The following DNM2 variants were observed in gnomAD, a reference collection of about 807,000 sequenced individuals.
The protein encoded by DNM2 is dynamin-2.
Under a neutral mutation model 99.0 loss-of-function variants are expected in DNM2, and 15 were observed. The observed-to-expected ratio is 0.15, with a 90% confidence interval of 0.10 to 0.23. DNM2 has a LOEUF of 0.23. DNM2 is among the 10% of genes least tolerant of loss of function. The pLI, the probability that DNM2 is intolerant of heterozygous loss-of-function variation, is 1.00. For synonymous variants in DNM2, 525 were observed against 481.2 expected, an observed-to-expected ratio of 1.09 and a Z score of -1.19; for missense variants, 742 against 1,189.4, an observed-to-expected ratio of 0.62 and a Z score of 5.53.
At chr19:10,808,292 G>A (rs992977045) in intron 13 of DNM2, among the ~76,000 whole-genome samples, 10 of 152,164 alleles carry the variant, frequency 6.6e-5, no homozygotes, top group Admixed American at 2.6e-4. Context: ...AAGGAAGAAC[G>A]TAACCATTGC....
chr19:10,776,945 C>T (rs1284591627), intron 4 of DNM2, among the ~76,000 whole-genome samples, 173 bp from the exon 5 acceptor site: 1 of 152,218 alleles, frequency 6.6e-6, no homozygotes, highest in Non-Finnish European at 1.5e-5. Context: ...AGGGCTGTGA[C>T]CATCTTCATT....
chr19:10,739,928 G>C (rs924532045), intron 1 of DNM2, among the ~76,000 whole-genome samples: 2 of 142,622 alleles, frequency 1.4e-5, no homozygotes, highest in Non-Finnish European at 3.1e-5. Flanking sequence ...ACTTTTCTTT[G>C]TGGGACGTTT....
intron 2 of DNM2, among the ~76,000 whole-genome samples, chr19:10,766,620 G>A (rs1419507778): frequency 1.3e-5 from 2 of 151,866 alleles, no homozygotes; most frequent in Non-Finnish European, 2.9e-5. Flanking sequence ...GAGATGCTAG[G>A]GGGAACTGTG....
chr19:10,806,964 C>A (rs189442903), intron 13 of DNM2, among the ~76,000 whole-genome samples: 1 of 152,126 alleles, frequency 6.6e-6, no homozygotes, highest in African/African-American at 2.4e-5. Flanking sequence ...TGAAGCCCCA[C>A]ACCTGGAGAA....
chr19:10,774,993 A>T (rs1320762062), intron 3 of DNM2, among the ~76,000 whole-genome samples: 1 of 150,034 alleles, frequency 6.7e-6, no homozygotes, highest in Non-Finnish European at 1.5e-5. Flanking sequence ...CTGGTTTCGA[A>T]CTCCTGAGCT....
At chr19:10,808,742 A>G (rs2072441886) in intron 14 of DNM2, 162 bp downstream of exon 14, 3 of 804,266 alleles carry the variant, frequency 3.7e-6, no homozygotes, top group African/African-American at 1.7e-5. Flanking sequence ...GCTGGACTGC[A>G]CGTTGCCCTG....
At position 10,818,764 on chromosome 19, in the gene DNM2, G is replaced by T. The variant is rs1599617582; in HGVS notation, c.1672-1216G>T. 6.6e-6 allele frequency among the ~76,000 whole-genome samples: 1 copy of T among 152,344 alleles called. No individual in the cohort carries two copies. Among genetic ancestry groups the T allele is most frequent in the East Asian group, 1.9e-4 (1 of 5,182 alleles). Reference sequence around the variant, plus strand: ...GAGGAGTTTCCAGAGACGGCCCAGGGAGAAGAAGGGCCAGGGGCACTGTGG... The same window carrying T: ...GAGGAGTTTCCAGAGACGGCCCAGGTAGAAGAAGGGCCAGGGGCACTGTGG... On this transcript the variant is annotated intron_variant, in intron 15 of 20. Transcript: ENST00000389253. This position sits in a 1 kb window ranked among gnomAD's most constrained non-coding sequence, Gnocchi z 4.3.
At chr19:10,755,466 CTTTT>C in intron 1 of DNM2, 1 of 142,306 alleles carries the variant, frequency 7.0e-6, no homozygotes, top group Non-Finnish European at 1.5e-5. Context: ...CTGCATTTGT[CTTTT>C]TTTTTTTTTT....
rs570324605 is a variant in DNM2, at chr19:10,724,288, T to C, written c.161+5885T>C. 3.0e-4 allele frequency among the ~76,000 whole-genome samples: 46 copies of C among 152,164 alleles called. 1 individual carries two copies. In the East Asian group the frequency reaches 6.4e-3, roughly 21 times the overall value. ...CGCCTCCCAGGTTCACGCCATTCTC[T>C]TGCCTCAGCCTCCCGAGTAGCTGGG... On this transcript the variant is annotated intron_variant, in intron 1 of 20. Transcript: ENST00000389253.
chr19:10,763,361 C>T (rs1019065978), intron 2 of DNM2: 1 of 152,290 alleles, frequency 6.6e-6, no homozygotes, highest in Admixed American at 6.6e-5. Flanking sequence ...CAGGTATGAG[C>T]TACCGCGCCT....
At chr19:10,737,641 A>G (rs752391756) in intron 1 of DNM2, among the ~76,000 whole-genome samples, 26 of 152,012 alleles carry the variant, frequency 1.7e-4, no homozygotes, top group Non-Finnish European at 3.5e-4. Flanking sequence ...GCACGTCAAC[A>G]TGCCCGTATA....
At chr19:10,734,476 G>GA (rs112687610) in intron 1 of DNM2, among the ~76,000 whole-genome samples, 88 of 142,824 alleles carry the variant, frequency 6.2e-4, no homozygotes, top group South Asian at 6.7e-4. Context: ...CTCGTGTGTA[G>GA]AAAAAAAAAA....
In DNM2 at chr19:10,798,465, C is replaced by T. The variant is rs1158130825; in HGVS notation, c.1336-21C>T. The T allele has an allele frequency of 2.5e-6, 4 of 1,613,744 alleles. No individual in the cohort carries two copies. The African/African-American group carries it at 4.0e-5, about 16-fold the overall frequency. Reference sequence around the variant, plus strand: ...TGCCACGAGGACCCCGCCAATGCGACCACTCTGCTTGTTCCCCCAGCTCAG... The same window carrying T: ...TGCCACGAGGACCCCGCCAATGCGATCACTCTGCTTGTTCCCCCAGCTCAG... On this transcript the variant is annotated intron_variant, in intron 10 of 20. Transcript: ENST00000389253.
At position 10,725,083 on chromosome 19, in the gene DNM2, G is replaced by C. The variant is rs188486655; in HGVS notation, c.161+6680G>C. 3.3e-5 allele frequency among the ~76,000 whole-genome samples: 5 copies of C among 152,330 alleles called. No homozygotes were observed. The East Asian group carries it at 9.6e-4, about 29-fold the overall frequency. ...CCCTTTAACAGATCTTATTAGTTTA[G>C]AGCCACTTGGAAATGACATCTTCTG... On this transcript the variant is annotated intron_variant, in intron 1 of 20. Coordinates refer to ENST00000389253, the MANE Select transcript of DNM2 (RefSeq NM_001005361.3).
intron 1 of DNM2, among the ~76,000 whole-genome samples, chr19:10,722,014 C>T (rs1213373125): frequency 1.3e-5 from 2 of 152,148 alleles, no homozygotes; most frequent in Non-Finnish European, 2.9e-5. Flanking sequence ...CGTTCTGGGC[C>T]TCAGATTCCT....
At chr19:10,729,494 G>A (rs1162762757) in intron 1 of DNM2, among the ~76,000 whole-genome samples, 2 of 152,116 alleles carry the variant, frequency 1.3e-5, no homozygotes, top group African/African-American at 2.4e-5. Context: ...GAATAGCCCC[G>A]CCAGGACTTG....
At chr19:10,814,469 A>C (rs573048009) in intron 15 of DNM2, among the ~76,000 whole-genome samples, 10 of 136,820 alleles carry the variant, frequency 7.3e-5, no homozygotes, top group African/African-American at 2.4e-4. Context: ...TGTCTCAAAG[A>C]AAAAAAAACA....
Position 10,831,075 on chromosome 19 carries a change from G to A in DNM2, c.*28G>A. 1 of 1,580,184 alleles carries A rather than the reference G, an allele frequency of 6.3e-7. No homozygotes were observed. Among genetic ancestry groups the A allele is most frequent in the Non-Finnish European group, 8.6e-7 (1 of 1,163,080 alleles). ...CTCGAGGGGGGCGTGCTCTCGGGGGGGCCTCACGCACCCGCGGCGCAGGAG... is the reference window on the plus strand; with the variant it reads ...CTCGAGGGGGGCGTGCTCTCGGGGGAGCCTCACGCACCCGCGGCGCAGGAG... On this transcript the variant is annotated 3_prime_UTR_variant, in exon 21 of 21. Transcript: ENST00000389253. The surrounding 1 kb of genome is among the most constrained non-coding windows in gnomAD (Gnocchi z 4.3).
At chr19:10,743,911 C>T (rs957740399) in intron 1 of DNM2, among the ~76,000 whole-genome samples, 1 of 149,738 alleles carries the variant, frequency 6.7e-6, no homozygotes, top group Admixed American at 6.7e-5. Flanking sequence ...TGCTTGAACT[C>T]GGGAGGCAAG....
Sources: gnomAD v4.1 joint callset for allele counts (sites outside exome capture counted in the v4.1 genomes callset) on GRCh38, gnomAD v4.1.1 for gene constraint, Gnocchi (gnomAD v3.1) non-coding constraint, MANE v1.5 for transcripts, NCBI Gene and HGNC (gene_info 2026-07-23, HGNC 2026-07-21) for gene names.